Variants in DYNC2LI1 observed in about 807,000 individuals in gnomAD.
DYNC2LI1 encodes cytoplasmic dynein 2 light intermediate chain 1.
Under a neutral mutation model 51.9 loss-of-function variants are expected in DYNC2LI1, and 45 were observed. The ratio of observed to expected loss-of-function variants is 0.87; its 90% CI spans 0.68 to 1.11. The LOEUF (loss-of-function observed/expected upper bound fraction) is 1.11. DYNC2LI1 is among the 50% of genes most tolerant of loss of function. The pLI is 0.00. For synonymous variants in DYNC2LI1, 130 were observed against 137.8 expected (o/e 0.94, Z 0.40); for missense variants, 490 against 417.4 (o/e 1.17, Z -1.51).
At chr2:43,822,658 A>G in the DYNC2LI1 span, 1 of 1,549,120 alleles carries the variant, frequency 6.5e-7, no homozygotes, top group Non-Finnish European at 8.7e-7. Flanking sequence ...GGAAGATACG[A>G]CATTGCACTA....
downstream of DYNC2LI1, among the ~76,000 whole-genome samples, chr2:43,810,168 G>C (rs1666432920): frequency 6.6e-6 from 1 of 152,198 alleles, no homozygotes; most frequent in Admixed American, 6.5e-5. Context: ...AGCTGTAGCT[G>C]GGAGGAAACC....
At chr2:43,813,920 C>T (rs780797301), downstream of DYNC2LI1, among the ~76,000 whole-genome samples, 5 of 151,242 alleles carry the variant, frequency 3.3e-5, no homozygotes, top group Non-Finnish European at 4.4e-5. Flanking sequence ...GTTTTTGCCA[C>T]GTCGGCCAGG....
chr2:43,798,206 T>G (rs1189921898), intron 8 of DYNC2LI1, among the ~76,000 whole-genome samples: 1 of 152,208 alleles, frequency 6.6e-6, no homozygotes, highest in Admixed American at 6.5e-5. Flanking sequence ...AGAGACAACA[T>G]GGTCTAGCCG....
At chr2:43,822,715 C>G in the DYNC2LI1 span, 1 of 1,449,704 alleles carries the variant, frequency 6.9e-7, no homozygotes, top group African/African-American at 1.7e-5. Flanking sequence ...AGAACTTCAC[C>G]CTGGAGCTCT....
chr2:43,809,893 G>T lies in DYNC2LI1; in HGVS notation c.*126G>T. On this transcript the variant is annotated 3_prime_UTR_variant, in exon 13 of 13. Transcript: ENST00000260605. ...GTATAATTTGTTAAAGGACAAGCTG[G>T]ATTTCTTGGACTAGTGCATCTCCCT... 1 of 1,428,062 alleles carries T rather than the reference G, an allele frequency of 7.0e-7. No homozygotes were observed. The highest frequency in any genetic ancestry group is 9.2e-7 in the Non-Finnish European group (1 of 1,092,146). 88.5% of individuals were successfully genotyped at this position (1,428,062 alleles called of 1,614,324 possible).
intron 2 of DYNC2LI1, among the ~76,000 whole-genome samples, chr2:43,778,458 A>G (rs1231324190): frequency 6.6e-6 from 1 of 152,152 alleles, no homozygotes; most frequent in Non-Finnish European, 1.5e-5. Flanking sequence ...CTGGCTACGC[A>G]TTATTTCACG....
rs750872890 is a variant in DYNC2LI1, at chr2:43,795,947, G to A, written c.565G>A (p.Asp189Asn). ...TCTGGTCATAATTGGAAGTAAATAT[G>A]ATGTTTTTCAGGTAAGCTCTTCCGC... ...VPLVIIGSKY[D>N]VFQDFESEKR... The change falls in exon 7 of 13, where the codon GAT (aspartate) becomes AAT (asparagine). Residue 189 changes from aspartate to asparagine, a missense_variant. Physicochemically the swap from Asp to Asn is conservative, Grantham distance 23. Coordinates refer to ENST00000260605, the MANE Select transcript of DYNC2LI1 (RefSeq NM_016008.4). The A allele has an allele frequency of 3.1e-6, 5 of 1,613,042 alleles. No individual in the cohort carries two copies. The highest frequency in any genetic ancestry group is 3.4e-6 in the Non-Finnish European group (4 of 1,179,208).
the DYNC2LI1 span, chr2:43,823,007 G>A: frequency 6.3e-7 from 1 of 1,586,058 alleles, no homozygotes; most frequent in South Asian, 1.1e-5. Context: ...AGCCCAAGCT[G>A]AATGTGAGGT....
chr2:43,802,375 T>G (rs376524571), intron 10 of DYNC2LI1, among the ~76,000 whole-genome samples: 2 of 128,782 alleles, frequency 1.6e-5, no homozygotes, highest in Non-Finnish European at 3.2e-5. Context: ...GGCAGTAGGG[T>G]TTTTTTTTTT....
intron 12 of DYNC2LI1, 92 bp from the exon 13 acceptor site, chr2:43,809,613 G>T: frequency 1.3e-6 from 1 of 793,472 alleles, no homozygotes; most frequent in South Asian, 1.6e-5. Context: ...AGGATTCATT[G>T]ATATATCTAA....
the DYNC2LI1 span, chr2:43,826,300 A>C: frequency 1.9e-6 from 3 of 1,601,966 alleles, no homozygotes; most frequent in Non-Finnish European, 2.6e-6. Flanking sequence ...GTGCCTGGCC[A>C]CTGGTACAAA....
chr2:43,795,224 A>G, intron 6 of DYNC2LI1: 2 of 986,042 alleles, frequency 2.0e-6, no homozygotes, highest in Non-Finnish European at 2.4e-6. Flanking sequence ...AAGAAAGTGT[A>G]GCAGGGTGCG....
Position 43,776,178 on chromosome 2 carries a change from C to A in DYNC2LI1, c.9-604C>A, listed in dbSNP as rs538341520. Among the ~76,000 whole-genome samples the A allele has an allele frequency of 7.9e-5, 12 of 152,144 alleles. No homozygotes were observed. In the East Asian group the frequency reaches 9.7e-4, roughly 12 times the overall value. ...TTAGGTATTTCTCCTAATGCTATCCCTCCCCCATGCTAATTTATTAGTAGT... is the reference window on the plus strand; with the variant it reads ...TTAGGTATTTCTCCTAATGCTATCCATCCCCCATGCTAATTTATTAGTAGT... On this transcript the variant is annotated intron_variant, in intron 1 of 12. Transcript: ENST00000260605.
chr2:43,787,353 C>G lies in DYNC2LI1; in HGVS notation c.231+103C>G. The G allele has an allele frequency of 4.2e-6, 4 of 950,450 alleles. No individual in the cohort carries two copies. In the South Asian group the frequency reaches 6.3e-5, roughly 15 times the overall value. 58.9% of individuals were successfully genotyped at this position (950,450 alleles called of 1,614,324 possible). A position where few individuals can be genotyped will look rare whatever the true frequency, so the allele number is the denominator to read the frequency against. ...TCTCATCTGTAATCAATAAACATACCCAGTTGTACACTTCGTAGCTGTCTA... is the reference window on the plus strand; with the variant it reads ...TCTCATCTGTAATCAATAAACATACGCAGTTGTACACTTCGTAGCTGTCTA... On this transcript the variant is annotated intron_variant, in intron 4 of 12. Transcript: ENST00000260605.
At chr2:43,824,236 T>G in the DYNC2LI1 span, 3 of 1,614,096 alleles carry the variant, frequency 1.9e-6, no homozygotes, top group Admixed American at 5.0e-5. Flanking sequence ...GAACACCCAG[T>G]TTAGAGAAAA....
downstream of DYNC2LI1, chr2:43,814,648 T>A (rs1451864081): frequency 3.0e-6 from 3 of 1,001,148 alleles, no homozygotes; most frequent in Admixed American, 2.0e-5. Flanking sequence ...TCCTACCAAA[T>A]GAAAAGAAAG....
the DYNC2LI1 span, chr2:43,824,753 T>C: frequency 1.6e-5 from 23 of 1,462,596 alleles, no homozygotes; most frequent in South Asian, 1.3e-4. Flanking sequence ...CCCGGCCAAA[T>C]TGATTCCTTG....
At position 43,789,693 on chromosome 2, in the gene DYNC2LI1, A is replaced by G; in HGVS notation, c.292A>G (p.Ser98Gly). 6.2e-7 allele frequency: 1 copy of G among 1,613,978 alleles called. No homozygotes were observed. Among genetic ancestry groups the G allele is most frequent in the Non-Finnish European group, 8.5e-7 (1 of 1,179,900 alleles). Residue 98 changes from serine (S) to glycine (G), a missense_variant, in exon 5 of 13, where the codon AGC (serine) becomes GGC (glycine). Coordinates refer to ENST00000260605, the MANE Select transcript of DYNC2LI1 (RefSeq NM_016008.4). ...GGGTSLLDLI[S>G]IPITGDTLRT... ...AGGAACCTCTTTATTGGACTTAATC[A>G]GCATACCCATCACAGGTGACACCTT...
chr2:43,802,216 C>A (rs940760059), intron 10 of DYNC2LI1, among the ~76,000 whole-genome samples: 10 of 152,070 alleles, frequency 6.6e-5, no homozygotes, highest in Admixed American at 5.9e-4. Flanking sequence ...CTCATAGACT[C>A]TATAGGCTTC....
Sources: allele counts gnomAD v4.1 joint callset (sites outside exome capture counted in the v4.1 genomes callset), GRCh38; gene constraint gnomAD v4.1.1; transcripts MANE v1.5; gene names NCBI Gene and HGNC (gene_info 2026-07-23, HGNC 2026-07-21).